Variants in RAB37 observed in about 807,000 individuals in gnomAD.
The protein encoded by RAB37 is RAB37, member RAS oncogene family.
Under a neutral mutation model 33.1 loss-of-function variants are expected in RAB37, and 29 were observed. The ratio of observed to expected loss-of-function variants is 0.88; its 90% CI spans 0.65 to 1.20. The LOEUF (loss-of-function observed/expected upper bound fraction) is 1.20, where lower values mean the gene tolerates loss of function less well. RAB37 is among the 50% of genes most tolerant of loss of function. RAB37 has a pLI of 0.00. For synonymous variants in RAB37, 128 were observed against 119.5 expected (o/e 1.07, Z -0.47); for missense variants, 299 against 301.1 (o/e 0.99, Z 0.05).
At position 74,737,293 on chromosome 17, in the gene RAB37, C is replaced by T. The variant is rs1373741408; in HGVS notation, c.21C>T (p.Ala7=). 6.4e-7 allele frequency: 1 copy of T among 1,573,234 alleles called. No homozygotes were observed. The highest frequency in any genetic ancestry group is 8.6e-7 in the Non-Finnish European group (1 of 1,166,736). MTGTPG[A]VATRDGEAPE... ...GGGACATGACGGGCACGCCAGGCGCCGTTGCCACCCGGGATGGCGAGGCCC... is the reference window on the plus strand; with the variant it reads ...GGGACATGACGGGCACGCCAGGCGCTGTTGCCACCCGGGATGGCGAGGCCC... Residue 7 remains alanine, a synonymous_variant, in exon 1 of 9, where the codon GCC becomes GCT. Coordinates refer to ENST00000392613, the MANE Select transcript of RAB37 (RefSeq NM_001006638.3).
chr17:74,674,164 C>T (rs2031769843), intron 1 of RAB37, among the ~76,000 whole-genome samples: 1 of 152,094 alleles, frequency 6.6e-6, no homozygotes, highest in Non-Finnish European at 1.5e-5. Context: ...GCAACCTCTG[C>T]CTCCCAGGCA....
chr17:74,733,612 C>G (rs1004480993), upstream of RAB37, among the ~76,000 whole-genome samples: 2 of 3,504 alleles, frequency 5.7e-4, no homozygotes, highest in South Asian at 0.017. Context: ...GGTGGGTGCA[C>G]ACGTGTGAGT....
At position 74,745,145 on chromosome 17, in the gene RAB37, T is replaced by C; in HGVS notation, c.566+61T>C. 1 of 1,585,188 alleles carries C rather than the reference T, an allele frequency of 6.3e-7. No homozygotes were observed. The highest frequency in any genetic ancestry group is 8.7e-7 in the Non-Finnish European group (1 of 1,155,518). On this transcript the variant is annotated intron_variant, in intron 8 of 8. Transcript: ENST00000392613. This position sits in a 1 kb window ranked among gnomAD's most constrained non-coding sequence, Gnocchi z 4.5. ...AGGGCGGCACACTCCAGGAATCCAG[T>C]AGGGCCCGGCCCCTGGCCCAGCCCC...
chr17:74,736,583 C>A, upstream of RAB37: 2 of 1,522,280 alleles, frequency 1.3e-6, no homozygotes, highest in Admixed American at 2.0e-5. Context: ...ATGTGTGCTG[C>A]GCAGCCCTCT....
chr17:74,739,185 G>A (rs1286073349), intron 1 of RAB37, among the ~76,000 whole-genome samples: 1 of 152,182 alleles, frequency 6.6e-6, no homozygotes, highest in East Asian at 1.9e-4. Flanking sequence ...CCTAGTCCCT[G>A]CTTAACCCAT....
At chr17:74,727,176 G>A (rs2034316726) in intron 1 of RAB37, among the ~76,000 whole-genome samples, 1 of 152,192 alleles carries the variant, frequency 6.6e-6, no homozygotes, top group Non-Finnish European at 1.5e-5. Flanking sequence ...AGTGTGCAAG[G>A]CACATACCAG....
At chr17:74,692,324 T>C (rs1419388125) in intron 1 of RAB37, among the ~76,000 whole-genome samples, 1 of 152,156 alleles carries the variant, frequency 6.6e-6, no homozygotes, top group Non-Finnish European at 1.5e-5. Context: ...CTTAGATGAC[T>C]AGCTCAAGAA....
At chr17:74,736,967 C>T (rs369197683), upstream of RAB37, 4 of 1,556,060 alleles carry the variant, frequency 2.6e-6, no homozygotes, top group African/African-American at 2.7e-5. Context: ...CCCGCTCCCC[C>T]AGGGGCAAGC....
intron 1 of RAB37, chr17:74,704,455 C>G (rs772488930): frequency 1.3e-6 from 2 of 1,543,642 alleles, no homozygotes; most frequent in Non-Finnish European, 1.8e-6. Flanking sequence ...GAGAGACACA[C>G]ACATATATAC....
Position 74,678,148 on chromosome 17 carries a change from G to A in RAB37, c.72+6490G>A, listed in dbSNP as rs114097605. 4.7e-3 allele frequency among the ~76,000 whole-genome samples: 722 copies of A among 152,264 alleles called. 7 individuals carry two copies. Among genetic ancestry groups the A allele is most frequent in the African/African-American group, 0.016 (666 of 41,536 alleles). ...TCTTCTCAGGCAAGAGAAACAGTCTGTAGAGACTGCGAGTGCGAATGGAGA... is the reference window on the plus strand; with the variant it reads ...TCTTCTCAGGCAAGAGAAACAGTCTATAGAGACTGCGAGTGCGAATGGAGA... On this transcript the variant is annotated intron_variant, in intron 1 of 7. Transcript: ENST00000340415.
intron 1 of RAB37, among the ~76,000 whole-genome samples, chr17:74,728,337 T>C (rs530661467): frequency 6.6e-6 from 1 of 151,674 alleles, no homozygotes; most frequent in African/African-American, 2.4e-5. Flanking sequence ...GTGTTTTATG[T>C]GTACTATGTG....
rs1456712125 is a variant in RAB37 at position 74,696,713 on chromosome 17, TTAG to T, written c.72+25057_72+25059del. 2.6e-5 allele frequency among the ~76,000 whole-genome samples: 4 copies of T among 152,192 alleles called. No homozygotes were observed. In the East Asian group the frequency reaches 7.7e-4, roughly 29 times the overall value. ...TCATCTTCGTCCTACTGAATTCTAG[TTAG>T]TCCTCAGGTGGGCTGTAAGCTGCAG... is the stretch of plus-strand genomic sequence containing the variant. On this transcript the variant is annotated intron_variant, in intron 1 of 7. Transcript: ENST00000340415.
rs1284308150 is a variant in RAB37 at position 74,738,711 on chromosome 17, C to T, written c.93+1346C>T. 6.6e-6 allele frequency among the ~76,000 whole-genome samples: 1 copy of T among 152,170 alleles called. No individual in the cohort carries two copies. The highest frequency in any genetic ancestry group is 2.4e-5 in the African/African-American group (1 of 41,436). On this transcript the variant is annotated intron_variant, in intron 1 of 8. Coordinates refer to ENST00000392613, the MANE Select transcript of RAB37 (RefSeq NM_001006638.3). This position sits in a 1 kb window ranked among gnomAD's most constrained non-coding sequence, Gnocchi z 5.0. ...TATCCCCCACCCCTTCATCTGTTCC[C>T]TGGCCAAGCGGCATTGGCCGGAGAG...
chr17:74,713,008 A>G, intron 1 of RAB37: 1 of 868,794 alleles, frequency 1.2e-6, no homozygotes. Context: ...AGAGACTAAA[A>G]GAGGAAGGAG....
At chr17:74,734,555 G>A (rs921284433), upstream of RAB37, among the ~76,000 whole-genome samples, 8 of 152,094 alleles carry the variant, frequency 5.3e-5, no homozygotes, top group Non-Finnish European at 1.2e-4. Flanking sequence ...ATGAAAACCC[G>A]CATCCTGGCT....
intron 1 of RAB37, among the ~76,000 whole-genome samples, chr17:74,705,848 G>C (rs2033460861): frequency 6.6e-6 from 1 of 152,126 alleles, no homozygotes; most frequent in Admixed American, 6.6e-5. Flanking sequence ...ACCCACCTCA[G>C]CCTCACAAAG....
At chr17:74,682,393 G>T (rs1356139933) in intron 1 of RAB37, among the ~76,000 whole-genome samples, 1 of 152,062 alleles carries the variant, frequency 6.6e-6, no homozygotes, top group African/African-American at 2.4e-5. Flanking sequence ...TCCCCGTGGG[G>T]CCCCATTATT....
At chr17:74,716,945 C>T (rs567313207) in intron 1 of RAB37, among the ~76,000 whole-genome samples, 1 of 152,158 alleles carries the variant, frequency 6.6e-6, no homozygotes, top group Non-Finnish European at 1.5e-5. Context: ...ACCAGCCTGA[C>T]CAACATGGTG....
At chr17:74,712,870 C>A in intron 1 of RAB37, 1 of 1,614,032 alleles carries the variant, frequency 6.2e-7, no homozygotes, top group Non-Finnish European at 8.5e-7. Context: ...GGGGCATCTT[C>A]TCTTCAGACA....
Sources: gnomAD v4.1 joint callset for allele counts (sites outside exome capture counted in the v4.1 genomes callset) on GRCh38, gnomAD v4.1.1 for gene constraint, Gnocchi (gnomAD v3.1) non-coding constraint, MANE v1.5 for transcripts, NCBI Gene and HGNC (gene_info 2026-07-23, HGNC 2026-07-21) for gene names.